RNF220: variants seen among roughly 807,000 people sequenced by gnomAD.
The protein encoded by RNF220 is ring finger protein 220.
A neutral mutation model predicts 67.1 loss-of-function variants in RNF220; 7 were observed. The observed-to-expected ratio is 0.10, with a 90% CI of 0.06 to 0.20. RNF220 has a LOEUF of 0.20. Among genes scored for constraint, RNF220 ranks in the 10% least tolerant of loss-of-function variants. The pLI is 1.00. For synonymous variants in RNF220, 270 were observed against 283.2 expected, an observed-to-expected ratio of 0.95 and a Z score of 0.47; for missense variants, 565 against 740.3, an observed-to-expected ratio of 0.76 and a Z score of 2.75.
intron 2 of RNF220, among the ~76,000 whole-genome samples, chr1:44,435,131 T>C (rs1650830781): frequency 6.6e-6 from 1 of 151,638 alleles, no homozygotes; most frequent in South Asian, 2.1e-4. Flanking sequence ...AATAAATAAA[T>C]TTATAAAACG....
At chr1:44,419,096 C>T (rs948734954) in intron 2 of RNF220, among the ~76,000 whole-genome samples, 2 of 152,196 alleles carry the variant, frequency 1.3e-5, no homozygotes, top group African/African-American at 4.8e-5. Context: ...CAGCATTTCC[C>T]AGTGCCATTT....
rs1664520537 is a variant in RNF220, at chr1:44,572,617, CT to C, written c.626-41546del. ...TCCTATTTACTGTTCCTTCTACCTCCTTCTGATCTGCTGGCCTCTGCAGCAG... is the reference window on the plus strand; with the variant it reads ...TCCTATTTACTGTTCCTTCTACCTCCTCTGATCTGCTGGCCTCTGCAGCAG... On this transcript the variant is annotated intron_variant, in intron 2 of 14. Coordinates refer to ENST00000361799, the MANE Select transcript of RNF220 (RefSeq NM_018150.4). 2.0e-5 allele frequency among the ~76,000 whole-genome samples: 3 copies of C among 152,026 alleles called. No individual in the cohort carries two copies. In the South Asian group the frequency reaches 6.2e-4, roughly 31 times the overall value.
At chr1:44,473,715 A>G (rs1380203096) in intron 2 of RNF220, among the ~76,000 whole-genome samples, 1 of 152,180 alleles carries the variant, frequency 6.6e-6, no homozygotes, top group Non-Finnish European at 1.5e-5. Context: ...TAACTAGGTC[A>G]ATGGTAGAAA....
In RNF220 at chr1:44,651,139, C is replaced by A; in HGVS notation, c.*364C>A. On this transcript the variant is annotated 3_prime_UTR_variant, in exon 15 of 15. Transcript: ENST00000361799. The stretch of plus-strand genomic sequence containing the variant: ...GACATGCAAACACCAGACTGAAGCA[C>A]ATGTAATATAGACCGTGTATGTTTA... 1 of 347,088 alleles carries A rather than the reference C, an allele frequency of 2.9e-6. No homozygotes were observed. The highest frequency in any genetic ancestry group is 5.7e-6 in the Non-Finnish European group (1 of 176,704). 21.5% of individuals were successfully genotyped at this position (347,088 alleles called of 1,614,324 possible).
At chr1:44,463,346 A>G (rs927010015) in intron 2 of RNF220, among the ~76,000 whole-genome samples, 8 of 150,372 alleles carry the variant, frequency 5.3e-5, no homozygotes, top group South Asian at 2.1e-4. Context: ...AAAAAAAAAA[A>G]AAAGAAAGAA....
chr1:44,502,896 G>A (rs931327377), intron 2 of RNF220, among the ~76,000 whole-genome samples: 4 of 152,050 alleles, frequency 2.6e-5, no homozygotes, highest in African/African-American at 9.7e-5. Context: ...CTCTCCAGTA[G>A]CTGGGACTAT....
At chr1:44,551,626 T>C (rs778420561) in intron 2 of RNF220, among the ~76,000 whole-genome samples, 1 of 152,210 alleles carries the variant, frequency 6.6e-6, no homozygotes, top group Non-Finnish European at 1.5e-5. Flanking sequence ...CCCATTTTCT[T>C]AAACCATCAT....
intron 2 of RNF220, among the ~76,000 whole-genome samples, chr1:44,440,674 C>T (rs748223871): frequency 3.3e-5 from 5 of 152,144 alleles, no homozygotes; most frequent in Admixed American, 6.5e-5. Context: ...CTTTTTGTCA[C>T]TCCAGCAGAC....
intron 2 of RNF220, among the ~76,000 whole-genome samples, chr1:44,559,534 CGGCACCGCAGG>C (rs969388046): frequency 6.6e-6 from 1 of 152,198 alleles, no homozygotes; most frequent in African/African-American, 2.4e-5. Flanking sequence ...GGGAGGGCGG[CGGCACCGCAGG>C]ATCAGGCTGC....
chr1:44,405,245 G>T, upstream of RNF220: 1 of 378,892 alleles, frequency 2.6e-6, no homozygotes, highest in South Asian at 4.6e-5. Context: ...CCCTGGGAGA[G>T]TGGAGGCTCA....
chr1:44,527,251 C>T (rs1660449381), intron 2 of RNF220, among the ~76,000 whole-genome samples: 1 of 151,988 alleles, frequency 6.6e-6, no homozygotes, highest in South Asian at 2.1e-4. Flanking sequence ...TTCTTCCAAG[C>T]CTGCAACTTA....
At chr1:44,413,820 C>G (rs946688153) in intron 2 of RNF220, among the ~76,000 whole-genome samples, 2 of 152,080 alleles carry the variant, frequency 1.3e-5, no homozygotes, top group African/African-American at 4.8e-5. Flanking sequence ...TTTATGATGC[C>G]GAGGAGAGTA....
rs1644627894 is a variant in RNF220 at position 44,645,811 on chromosome 1, A to G, written c.1445+323A>G. Among the ~76,000 whole-genome samples the G allele has an allele frequency of 1.3e-5, 2 of 152,260 alleles. No individual in the cohort carries two copies. Among genetic ancestry groups the G allele is most frequent in the African/African-American group, 4.8e-5 (2 of 41,476 alleles). ...CCAGCCCAGCCGGCACACTTGATTC[A>G]TCTCCAGTTTCTGTTTCTTAATCGG... On this transcript the variant is annotated intron_variant, in intron 12 of 14. Coordinates refer to ENST00000361799, the MANE Select transcript of RNF220 (RefSeq NM_018150.4). This position sits in a 1 kb window ranked among gnomAD's most constrained non-coding sequence, Gnocchi z 5.0.
At chr1:44,605,104 T>C (rs1667179502) in intron 2 of RNF220, among the ~76,000 whole-genome samples, 1 of 151,884 alleles carries the variant, frequency 6.6e-6, no homozygotes, top group African/African-American at 2.4e-5. Flanking sequence ...ATCGAGACCA[T>C]CCTGGCCAAC....
intron 2 of RNF220, among the ~76,000 whole-genome samples, chr1:44,459,610 A>G (rs1653561564): frequency 6.6e-6 from 1 of 152,156 alleles, no homozygotes; most frequent in Admixed American, 6.5e-5. Context: ...GTGAGATTTG[A>G]TCCTGTGCAG....
At chr1:44,563,350 G>A (rs760916220) in intron 2 of RNF220, among the ~76,000 whole-genome samples, 5 of 152,172 alleles carry the variant, frequency 3.3e-5, no homozygotes, top group African/African-American at 7.2e-5. Flanking sequence ...GGCTGAAGTG[G>A]CACAGTAACT....
chr1:44,505,837 CT>C (rs1258982006), intron 2 of RNF220, among the ~76,000 whole-genome samples: 1 of 152,062 alleles, frequency 6.6e-6, no homozygotes. Flanking sequence ...CTGGGTTTTT[CT>C]TTTTTCCTCT....
chr1:44,433,707 A>G (rs1188351997), intron 2 of RNF220, among the ~76,000 whole-genome samples: 2 of 152,234 alleles, frequency 1.3e-5, no homozygotes, highest in Non-Finnish European at 2.9e-5. Flanking sequence ...GTGGTGGCTC[A>G]TGCCTGTAAT....
At chr1:44,457,981 G>A (rs1193765664) in intron 2 of RNF220, among the ~76,000 whole-genome samples, 3 of 152,154 alleles carry the variant, frequency 2.0e-5, no homozygotes, top group Non-Finnish European at 4.4e-5. Context: ...AGAAAGCCAG[G>A]TGTGATGGCT....
Sources: allele counts gnomAD v4.1 joint callset (sites outside exome capture counted in the v4.1 genomes callset), GRCh38; gene constraint gnomAD v4.1.1; non-coding constraint Gnocchi (gnomAD v3.1); transcripts MANE v1.5; gene names NCBI Gene and HGNC (gene_info 2026-07-23, HGNC 2026-07-21).